SLC16A3: variants seen among roughly 807,000 people sequenced by gnomAD.
SLC16A3 encodes monocarboxylate transporter 4.
Under a neutral mutation model 25.0 loss-of-function variants are expected in SLC16A3, and 22 were observed. The observed-to-expected ratio is 0.88, with a 90% CI of 0.63 to 1.26. SLC16A3 has a LOEUF of 1.26. SLC16A3 is among the 50% of genes most tolerant of loss of function. The probability of loss-of-function intolerance (pLI) is 0.00; values close to 1 mark genes in which losing one functional copy is unlikely to be tolerated. For synonymous variants in SLC16A3, 390 were observed against 309.2 expected (o/e 1.26, Z -2.74); for missense variants, 731 against 666.6 (o/e 1.10, Z -1.06).
chr17:82,234,132 GC>G (rs1245386599), intron 1 of SLC16A3: 7 of 152,226 alleles, frequency 4.6e-5, no homozygotes, highest in African/African-American at 1.4e-4. Flanking sequence ...GAGCCACCGC[GC>G]CCGGCCTCAG....
chr17:82,238,021 A>ATG, intron 4 of SLC16A3, 128 bp downstream of exon 4: 17 of 1,085,576 alleles, frequency 1.6e-5, no homozygotes, highest in South Asian at 7.9e-5. Context: ...GAGGGGGTGC[A>ATG]CTGTGCTGGA....
At chr17:82,233,444 CCTT>C (rs1237593208) in intron 1 of SLC16A3, among the ~76,000 whole-genome samples, 4 of 152,160 alleles carry the variant, frequency 2.6e-5, no homozygotes, top group Admixed American at 1.3e-4. Context: ...TGCCAGCCCT[CCTT>C]GACACTAATT....
intron 1 of SLC16A3, among the ~76,000 whole-genome samples, chr17:82,220,006 C>CGGGGGGGCCCTTTCACAGCAGGTT (rs2050379554): frequency 1.3e-5 from 2 of 151,952 alleles, no homozygotes; most frequent in Non-Finnish European, 2.9e-5. Flanking sequence ...CGCTCAGGGC[C>CGGGGGGGCCCTTTCACAGCAGGTT]GGGGGGGCCC....
chr17:82,238,705 A>G lies in SLC16A3; in HGVS notation c.1127A>G (p.Lys376Arg), dbSNP rs1189133429. 1.2e-6 allele frequency: 2 copies of G among 1,606,504 alleles called. No individual in the cohort carries two copies. Among genetic ancestry groups the G allele is most frequent in the South Asian group, 1.1e-5 (1 of 90,256 alleles). ...AVLVGPPSGG[K>R]LLDATHVYMY... ...GACTGACGGGGTCTTCCCGCAGGCA[A>G]ACTCCTGGATGCGACCCACGTCTAC... Residue 376 changes from lysine to arginine, a missense_variant, in exon 5 of 5, where the codon AAA becomes AGA. Transcript: ENST00000582743.
At position 82,236,087 on chromosome 17, in the gene SLC16A3, G is replaced by C; in HGVS notation, c.79G>C (p.Gly27Arg). 2.5e-6 allele frequency: 4 copies of C among 1,612,970 alleles called. No individual in the cohort carries two copies. The highest frequency in any genetic ancestry group is 2.5e-6 in the Non-Finnish European group (3 of 1,179,928). ...DGGWGWAVLF[G>R]CFVITGFSYA... ...CGGCTGGGGCTGGGCCGTGCTCTTC[G>C]GCTGTTTCGTCATCACTGGCTTCTC... Residue 27 changes from glycine (G) to arginine (R), a missense_variant, in exon 2 of 5, where the codon GGC becomes CGC. Gly to Arg is a moderately radical substitution (Grantham distance 125, BLOSUM62 -2). Coordinates refer to ENST00000582743, the MANE Select transcript of SLC16A3 (RefSeq NM_004207.4).
At chr17:82,225,607 G>C (rs1409184755), upstream of SLC16A3, among the ~76,000 whole-genome samples, 5 of 152,180 alleles carry the variant, frequency 3.3e-5, no homozygotes, top group Non-Finnish European at 2.9e-5. Flanking sequence ...GCTGTGGCTC[G>C]GCCGGAATGT....
At chr17:82,228,777 C>T (rs2050446424), upstream of SLC16A3, among the ~76,000 whole-genome samples, 9 of 151,962 alleles carry the variant, frequency 5.9e-5, 1 homozygote, top group Admixed American at 5.9e-4. Flanking sequence ...GAGGCGAGGC[C>T]GGGAAGACCC....
At position 82,235,969 on chromosome 17, in the gene SLC16A3, G is replaced by A. The variant is rs1404725521; in HGVS notation, c.-26-14G>A. ...TCACCCGGGCAGCCTGAGTCAGCCT[G>A]CTTTCTCTCTCAGGTGAGGCGGAAC... is the stretch of plus-strand genomic sequence containing the variant. On this transcript the variant is annotated splice_polypyrimidine_tract_variant and intron_variant, in intron 1 of 4. Coordinates refer to ENST00000582743, the MANE Select transcript of SLC16A3 (RefSeq NM_004207.4). The A allele has an allele frequency of 6.4e-7, 1 of 1,560,286 alleles. No individual in the cohort carries two copies. Among genetic ancestry groups the A allele is most frequent in the Admixed American group, 1.8e-5 (1 of 55,674 alleles).
At chr17:82,223,541 G>A (rs1318504561), upstream of SLC16A3, among the ~76,000 whole-genome samples, 1 of 152,098 alleles carries the variant, frequency 6.6e-6, no homozygotes, top group Non-Finnish European at 1.5e-5. Context: ...GTCTTGGTCT[G>A]TCACCCAGGC....
chr17:82,237,582 G>A lies in SLC16A3; in HGVS notation c.812G>A (p.Gly271Asp). ...GCCGCCTTCCTGCTCACCATCCTGGGCTTCATTGACATCTTCGCGCGGCCG... is the reference window on the plus strand; with the variant it reads ...GCCGCCTTCCTGCTCACCATCCTGGACTTCATTGACATCTTCGCGCGGCCG... ...TKAAFLLTIL[G>D]FIDIFARPAA... The change falls in exon 4 of 5, where the codon GGC becomes GAC. Residue 271 changes from glycine to aspartate, a missense_variant. Physicochemically the swap from Gly to Asp is moderately conservative, Grantham distance 94. Coordinates refer to ENST00000582743, the MANE Select transcript of SLC16A3 (RefSeq NM_004207.4). 1 of 1,612,474 alleles carries A rather than the reference G, an allele frequency of 6.2e-7. No individual in the cohort carries two copies. Among genetic ancestry groups the A allele is most frequent in the Non-Finnish European group, 8.5e-7 (1 of 1,179,660 alleles).
intron 1 of SLC16A3, chr17:82,234,040 C>CT (rs1568536037): frequency 2.4e-5 from 3 of 126,098 alleles, no homozygotes; most frequent in Non-Finnish European, 5.5e-5. Context: ...CGGGGTTTCA[C>CT]CGTGTTAGCC....
upstream of SLC16A3, among the ~76,000 whole-genome samples, chr17:82,228,791 C>G (rs1196572562): frequency 6.6e-6 from 1 of 152,002 alleles, no homozygotes; most frequent in Non-Finnish European, 1.5e-5. Context: ...AAGACCCAGT[C>G]CCGAGGAGCA....
chr17:82,231,345 C>G (rs1046200940), intron 1 of SLC16A3: 4 of 152,416 alleles, frequency 2.6e-5, no homozygotes, highest in Middle Eastern at 3.4e-3. Context: ...TGGGTTCCCC[C>G]CTTCGCCCCG....
At position 82,237,882 on chromosome 17, in the gene SLC16A3, C is replaced by T; in HGVS notation, c.1112C>T (p.Pro371Leu). 2 of 1,599,100 alleles carry T rather than the reference C, an allele frequency of 1.3e-6. No homozygotes were observed. The highest frequency in any genetic ancestry group is 2.2e-5 in the East Asian group (1 of 44,872). The change falls in exon 4 of 5, where the codon CCC becomes CTC. Residue 371 changes from proline to leucine, a missense_variant. Pro to Leu is a moderately conservative substitution (Grantham distance 98). Coordinates refer to ENST00000582743, the MANE Select transcript of SLC16A3 (RefSeq NM_004207.4). Reference protein sequence around the residue: ...LMEAVAVLVGPPSGGKLLDAT... With the variant: ...LMEAVAVLVGLPSGGKLLDAT... Reference sequence around the variant, plus strand: ...GAGGCGGTGGCCGTGCTCGTCGGGCCCCCTTCGGGAGGTGAGCGCTGCGCC... The same window carrying T: ...GAGGCGGTGGCCGTGCTCGTCGGGCTCCCTTCGGGAGGTGAGCGCTGCGCC...
At position 82,239,840 on chromosome 17, in the gene SLC16A3, G is replaced by A. The variant is rs991488494; in HGVS notation, c.*864G>A. The stretch of plus-strand genomic sequence containing the variant: ...TGTGCGTGGTGTGGTCAGTGCCCAG[G>A]GCTGGTCTTTGCACCCTGTCCTCCA... On this transcript the variant is annotated 3_prime_UTR_variant, in exon 5 of 5. Coordinates refer to ENST00000582743, the MANE Select transcript of SLC16A3 (RefSeq NM_004207.4). 2.2e-5 allele frequency: 10 copies of A among 449,168 alleles called. No individual in the cohort carries two copies. The highest frequency in any genetic ancestry group is 3.7e-5 in the Non-Finnish European group (10 of 273,546). The allele number at this position is 449,168 out of a possible 1,614,324, so 27.8% of individuals were successfully genotyped here.
At chr17:82,225,915 C>A (rs746241203), upstream of SLC16A3, among the ~76,000 whole-genome samples, 1 of 152,080 alleles carries the variant, frequency 6.6e-6, no homozygotes, top group Admixed American at 6.5e-5. Flanking sequence ...AAAGCCTCTC[C>A]GCATTTCCTA....
chr17:82,232,918 C>T (rs866124065), intron 1 of SLC16A3, among the ~76,000 whole-genome samples: 4 of 47,210 alleles, frequency 8.5e-5, no homozygotes, highest in African/African-American at 2.2e-4. Context: ...TGGGGGGCGG[C>T]GGGGGGGGGG....
In SLC16A3 at chr17:82,237,588, T is replaced by C. The variant is rs201751464; in HGVS notation, c.818T>C (p.Ile273Thr). Residue 273 changes from isoleucine to threonine, a missense_variant, in exon 4 of 5, where the codon ATT (isoleucine) becomes ACT (threonine). Ile to Thr is a moderately conservative substitution (Grantham distance 89). Coordinates refer to ENST00000582743, the MANE Select transcript of SLC16A3 (RefSeq NM_004207.4). ...TTCCTGCTCACCATCCTGGGCTTCA[T>C]TGACATCTTCGCGCGGCCGGCCGCG... ...AAFLLTILGFIDIFARPAAGF... is the reference protein window; with the variant it reads ...AAFLLTILGFTDIFARPAAGF... The C allele has an allele frequency of 2.6e-5, 42 of 1,612,368 alleles. No individual in the cohort carries two copies. The highest frequency in any genetic ancestry group is 4.5e-5 in the East Asian group (2 of 44,860).
chr17:82,220,984 G>A (rs1412147349), intron 1 of SLC16A3, among the ~76,000 whole-genome samples: 3 of 151,714 alleles, frequency 2.0e-5, no homozygotes, highest in Non-Finnish European at 2.9e-5. Context: ...CCACCACACC[G>A]GGCTAATTTT....
Sources: gnomAD v4.1 joint callset for allele counts (sites outside exome capture counted in the v4.1 genomes callset) on GRCh38, gnomAD v4.1.1 for gene constraint, MANE v1.5 for transcripts, NCBI Gene and HGNC (gene_info 2026-07-23, HGNC 2026-07-21) for gene names.